VAV3: variants seen among roughly 807,000 people sequenced by gnomAD.
VAV3 encodes guanine nucleotide exchange factor VAV3.
In VAV3, 94 loss-of-function variants were observed where a neutral mutation model predicts 131.2. The ratio of observed to expected loss-of-function variants is 0.72; its 90% CI spans 0.61 to 0.85. The LOEUF (loss-of-function observed/expected upper bound fraction) is 0.85. VAV3 is among the 40% of genes least tolerant of loss of function. The pLI is 0.00. For synonymous variants in VAV3, 349 were observed against 342.0 expected (o/e 1.02, Z -0.22); for missense variants, 939 against 1,002.7 (o/e 0.94, Z 0.86).
At chr1:107,768,761 CA>C (rs979788203) in intron 6 of VAV3, among the ~76,000 whole-genome samples, 1 of 151,890 alleles carries the variant, frequency 6.6e-6, no homozygotes, top group Non-Finnish European at 1.5e-5. Context: ...TAAATGCTTC[CA>C]AAAGGAAGGA....
At chr1:107,843,720 C>CCA (rs1301616319) in intron 2 of VAV3, among the ~76,000 whole-genome samples, 1 of 152,062 alleles carries the variant, frequency 6.6e-6, no homozygotes, top group Non-Finnish European at 1.5e-5. Flanking sequence ...CCCTCTCCCC[C>CCA]CATGGGGTTA....
intron 20 of VAV3, among the ~76,000 whole-genome samples, chr1:107,633,990 A>G (rs942547211): frequency 6.6e-6 from 1 of 152,194 alleles, no homozygotes; most frequent in South Asian, 2.1e-4. Flanking sequence ...AAACTGTTAT[A>G]TAATAATCAC....
chr1:107,694,352 A>G (rs892878366), intron 17 of VAV3, among the ~76,000 whole-genome samples: 3 of 152,148 alleles, frequency 2.0e-5, no homozygotes, highest in African/African-American at 4.8e-5. Flanking sequence ...AACTCTAACA[A>G]TTGGATCGAC....
intron 1 of VAV3, among the ~76,000 whole-genome samples, chr1:107,933,347 T>A (rs578185776): frequency 6.6e-6 from 1 of 151,818 alleles, no homozygotes; most frequent in Non-Finnish European, 1.5e-5. Context: ...TCCTCTACCC[T>A]TTATAAGCAA....
chr1:107,785,507 C>T, intron 2 of VAV3: 2 of 1,315,578 alleles, frequency 1.5e-6, no homozygotes, highest in Non-Finnish European at 2.0e-6. Flanking sequence ...GCTAGAGCCC[C>T]AAATGCAAGA....
At chr1:107,765,263 A>C in intron 8 of VAV3, 88 bp from the exon 9 acceptor site, 1 of 1,046,776 alleles carries the variant, frequency 9.6e-7, no homozygotes, top group Admixed American at 2.0e-5. Flanking sequence ...ATCTCTTTAA[A>C]ACCATTGTTA....
intron 1 of VAV3, among the ~76,000 whole-genome samples, chr1:107,895,316 T>G (rs1343352284): frequency 6.6e-6 from 1 of 152,202 alleles, no homozygotes; most frequent in Non-Finnish European, 1.5e-5. Context: ...GTATTCCACT[T>G]ACATTGTACT....
intron 1 of VAV3, among the ~76,000 whole-genome samples, chr1:107,922,745 G>A (rs566082233): frequency 4.9e-4 from 74 of 151,640 alleles, no homozygotes; most frequent in African/African-American, 1.7e-3. Flanking sequence ...GAGGTCAGGA[G>A]ATCGAGACCA....
intron 19 of VAV3, among the ~76,000 whole-genome samples, chr1:107,682,323 G>A (rs2101734798): frequency 6.6e-6 from 1 of 152,146 alleles, no homozygotes; most frequent in Non-Finnish European, 1.5e-5. Flanking sequence ...TAATTTTTCT[G>A]AAACAGCAAT....
intron 1 of VAV3, among the ~76,000 whole-genome samples, chr1:107,937,097 C>A (rs1376661375): frequency 6.6e-6 from 1 of 151,932 alleles, no homozygotes; most frequent in Non-Finnish European, 1.5e-5. Flanking sequence ...ACCGCCACCC[C>A]AAAAAAACAG....
chr1:107,752,566 G>A (rs1663801960), intron 12 of VAV3, among the ~76,000 whole-genome samples: 1 of 152,104 alleles, frequency 6.6e-6, no homozygotes, highest in Admixed American at 6.6e-5. Context: ...ATAAGGGATT[G>A]ATATCTGGGA....
intron 1 of VAV3, among the ~76,000 whole-genome samples, chr1:107,887,966 G>T (rs1671116164): frequency 6.6e-6 from 1 of 151,356 alleles, no homozygotes; most frequent in African/African-American, 2.4e-5. Context: ...CAATTTTTCT[G>T]GCCTCCAACC....
At chr1:107,921,354 T>C (rs972465741) in intron 1 of VAV3, among the ~76,000 whole-genome samples, 5 of 152,228 alleles carry the variant, frequency 3.3e-5, no homozygotes, top group African/African-American at 1.2e-4. Flanking sequence ...ACTTCACTTA[T>C]GCCTTCCCTA....
At chr1:107,782,548 A>G (rs940442606) in intron 2 of VAV3, among the ~76,000 whole-genome samples, 4 of 152,238 alleles carry the variant, frequency 2.6e-5, no homozygotes, top group Non-Finnish European at 4.4e-5. Flanking sequence ...AATAACAAAT[A>G]TACAAATGCA....
chr1:107,944,118 C>T (rs941290378), intron 1 of VAV3, among the ~76,000 whole-genome samples: 1 of 152,168 alleles, frequency 6.6e-6, no homozygotes, highest in Admixed American at 6.5e-5. Context: ...AGTGAAAAAC[C>T]CAAGGAGCAA....
At chr1:107,837,234 GC>G (rs1218526248) in intron 2 of VAV3, among the ~76,000 whole-genome samples, 1 of 152,082 alleles carries the variant, frequency 6.6e-6, no homozygotes, top group African/African-American at 2.4e-5. Flanking sequence ...GATGAAGGAG[GC>G]CTTATTCCTG....
intron 17 of VAV3, among the ~76,000 whole-genome samples, chr1:107,699,000 G>T (rs549988019): frequency 6.6e-6 from 1 of 152,168 alleles, no homozygotes; most frequent in Admixed American, 6.5e-5. Context: ...ATTTGGGTGC[G>T]GACACAGAGC....
At chr1:107,871,115 C>T (rs1189918529) in intron 2 of VAV3, among the ~76,000 whole-genome samples, 2 of 151,986 alleles carry the variant, frequency 1.3e-5, no homozygotes, top group East Asian at 3.9e-4. Flanking sequence ...CGGAAACGAA[C>T]AAAGTTACAG....
At chr1:107,890,040 T>G (rs887848763) in intron 1 of VAV3, among the ~76,000 whole-genome samples, 13 of 152,128 alleles carry the variant, frequency 8.5e-5, no homozygotes, top group African/African-American at 3.1e-4. Context: ...CGGCTTATAC[T>G]CCAGATTTTA....
Sources: allele counts gnomAD v4.1 joint callset (sites outside exome capture counted in the v4.1 genomes callset), GRCh38; gene constraint gnomAD v4.1.1; transcripts MANE v1.5; gene names NCBI Gene and HGNC (gene_info 2026-07-23, HGNC 2026-07-21).